KIFAP3: variants seen among roughly 807,000 people sequenced by gnomAD.
KIFAP3 encodes kinesin-associated protein 3.
Under a neutral mutation model 106.5 loss-of-function variants are expected in KIFAP3, and 68 were observed. That is an observed-to-expected ratio of 0.64 (90% CI 0.53 to 0.78). The LOEUF (loss-of-function observed/expected upper bound fraction) is 0.78, where lower values mean the gene tolerates loss of function less well. KIFAP3 is among the 30% of genes least tolerant of loss of function. The probability of loss-of-function intolerance (pLI) is 0.00; values close to 1 mark genes in which losing one functional copy is unlikely to be tolerated. For synonymous variants in KIFAP3, 320 were observed against 311.5 expected (o/e 1.03, Z -0.29); for missense variants, 780 against 941.8 (o/e 0.83, Z 2.25).
chr1:170,059,083 G>A (rs1280144863), intron 1 of KIFAP3, among the ~76,000 whole-genome samples: 1 of 151,996 alleles, frequency 6.6e-6, no homozygotes. Flanking sequence ...ATCTAAAATT[G>A]GCATCCTAAC....
At chr1:170,026,674 T>G (rs1459453849) in intron 8 of KIFAP3, among the ~76,000 whole-genome samples, 1 of 152,150 alleles carries the variant, frequency 6.6e-6, no homozygotes, top group Non-Finnish European at 1.5e-5. Context: ...AGTTGAGTAT[T>G]GATTGGAGCA....
intron 17 of KIFAP3, among the ~76,000 whole-genome samples, chr1:169,971,589 T>C (rs1237882828): frequency 2.0e-5 from 3 of 152,022 alleles, no homozygotes; most frequent in Admixed American, 1.3e-4. Flanking sequence ...TGAAATAAAA[T>C]GTGAGAAAGT....
rs1337153011 is a variant in KIFAP3 at position 169,983,220 on chromosome 1, G to A, written c.1506+50C>T. 2.9e-6 allele frequency: 3 copies of A among 1,027,796 alleles called. No homozygotes were observed. The East Asian group carries it at 7.5e-5, about 26-fold the overall frequency. The allele number at this position is 1,027,796 out of a possible 1,614,324, so 63.7% of individuals were successfully genotyped here. ...AGTAAGAGCTGTATTTCCAAATGTAGCAATTTCAATTCCCAGTCTATTTGA... is the reference window on the plus strand; with the variant it reads ...AGTAAGAGCTGTATTTCCAAATGTAACAATTTCAATTCCCAGTCTATTTGA... On this transcript the variant is annotated intron_variant, in intron 13 of 19. Coordinates refer to ENST00000361580, the MANE Select transcript of KIFAP3 (RefSeq NM_014970.4).
At chr1:169,970,444 C>A (rs1043985263) in intron 17 of KIFAP3, among the ~76,000 whole-genome samples, 2 of 152,044 alleles carry the variant, frequency 1.3e-5, no homozygotes, top group African/African-American at 4.8e-5. Context: ...ATTTGGGGGA[C>A]AAGTACTTTA....
At chr1:169,985,806 A>G (rs569596936) in intron 11 of KIFAP3, among the ~76,000 whole-genome samples, 63 of 152,060 alleles carry the variant, frequency 4.1e-4, no homozygotes, top group African/African-American at 1.5e-3. Flanking sequence ...TCTGAAAAAC[A>G]ACAGACAAAA....
chr1:170,022,375 G>A (rs1668886051), intron 9 of KIFAP3, among the ~76,000 whole-genome samples: 1 of 151,666 alleles, frequency 6.6e-6, no homozygotes, highest in South Asian at 2.1e-4. Context: ...CTTTCTCAGT[G>A]TTTCTGGAAA....
At chr1:169,953,821 C>A (rs1664864404) in intron 19 of KIFAP3, among the ~76,000 whole-genome samples, 190 bp downstream of exon 19, 2 of 152,164 alleles carry the variant, frequency 1.3e-5, no homozygotes, top group Admixed American at 1.3e-4. Flanking sequence ...GCCTTGTGAT[C>A]TCCATTTTTT....
intron 11 of KIFAP3, among the ~76,000 whole-genome samples, chr1:169,989,632 C>G (rs1325526914): frequency 2.6e-5 from 4 of 151,992 alleles, no homozygotes; most frequent in African/African-American, 9.7e-5. Flanking sequence ...GTCTGACATG[C>G]ATTATCTCTA....
rs1356442395 is a variant in KIFAP3, at chr1:170,005,030, A to T, written c.1183+11432T>A. 7.9e-5 allele frequency among the ~76,000 whole-genome samples: 12 copies of T among 152,316 alleles called. No homozygotes were observed. In the East Asian group the frequency reaches 2.3e-3, roughly 29 times the overall value. ...TTACAAGAAAAAAACAAACAACCCCATCAAAAAGTGGGCAAAGGATATGAA... is the reference window on the plus strand; with the variant it reads ...TTACAAGAAAAAAACAAACAACCCCTTCAAAAAGTGGGCAAAGGATATGAA... On this transcript the variant is annotated intron_variant, in intron 10 of 19. Transcript: ENST00000361580.
intron 15 of KIFAP3, 59 bp downstream of exon 15, chr1:169,981,905 TATATTTAA>T: frequency 7.7e-7 from 1 of 1,299,968 alleles, no homozygotes. Context: ...CTCTGCATTT[TATATTTAA>T]ATATTTAAAT....
intron 3 of KIFAP3, among the ~76,000 whole-genome samples, chr1:170,045,838 G>C (rs1430076172): frequency 6.6e-6 from 1 of 152,136 alleles, no homozygotes; most frequent in African/African-American, 2.4e-5. Context: ...TGTTGCTAAA[G>C]TCACATAGCA....
chr1:170,003,072 C>T (rs1667746000), intron 10 of KIFAP3, among the ~76,000 whole-genome samples: 1 of 152,008 alleles, frequency 6.6e-6, no homozygotes, highest in Non-Finnish European at 1.5e-5. Flanking sequence ...CATTTCTTCC[C>T]CTAACATTTT....
intron 5 of KIFAP3, among the ~76,000 whole-genome samples, chr1:170,037,668 C>CGGAGGTTGCAGTGAGCT (rs1553201028): frequency 2.6e-5 from 4 of 151,884 alleles, no homozygotes; most frequent in African/African-American, 4.8e-5. Context: ...ACCCGGGAGG[C>CGGAGGTTGCAGTGAGCT]GGAGGTTGCA....
At chr1:170,042,711 T>C (rs776935562) in intron 3 of KIFAP3, among the ~76,000 whole-genome samples, 1 of 152,228 alleles carries the variant, frequency 6.6e-6, no homozygotes, top group Non-Finnish European at 1.5e-5. Flanking sequence ...TTATACTATA[T>C]ACTCTGGTTT....
intron 18 of KIFAP3, 67 bp downstream of exon 18, chr1:169,960,979 A>T: frequency 7.9e-7 from 1 of 1,271,586 alleles, no homozygotes; most frequent in South Asian, 1.5e-5. Context: ...GGAATGTGCA[A>T]GGCTGGCCGA....
chr1:170,005,591 C>G (rs1316323034), intron 10 of KIFAP3, among the ~76,000 whole-genome samples: 4 of 150,846 alleles, frequency 2.7e-5, no homozygotes, highest in African/African-American at 7.3e-5. Context: ...ATCATTCTCA[C>G]CAAACTATCG....
At chr1:170,031,244 G>C (rs1451084487) in intron 8 of KIFAP3, among the ~76,000 whole-genome samples, 1 of 151,696 alleles carries the variant, frequency 6.6e-6, no homozygotes, top group Non-Finnish European at 1.5e-5. Flanking sequence ...ACTCAGTGTA[G>C]TTAAAATTGC....
At chr1:169,939,293 G>A (rs896991125) in intron 19 of KIFAP3, among the ~76,000 whole-genome samples, 1 of 152,088 alleles carries the variant, frequency 6.6e-6, no homozygotes, top group African/African-American at 2.4e-5. Flanking sequence ...GCATGCAGAT[G>A]GTTTGCAGTG....
intron 18 of KIFAP3, among the ~76,000 whole-genome samples, chr1:169,960,466 G>A (rs1329572389): frequency 6.6e-6 from 1 of 152,028 alleles, no homozygotes; most frequent in Non-Finnish European, 1.5e-5. Context: ...TTGGAAAAAG[G>A]TAGTAATGCA....
Sources: gnomAD v4.1 joint callset for allele counts (sites outside exome capture counted in the v4.1 genomes callset) on GRCh38, gnomAD v4.1.1 for gene constraint, MANE v1.5 for transcripts, NCBI Gene and HGNC (gene_info 2026-07-23, HGNC 2026-07-21) for gene names.